Variants in PPP2R2D observed in about 807,000 individuals in gnomAD.
The protein encoded by PPP2R2D is serine/threonine-protein phosphatase 2A 55 kDa regulatory subunit B delta isoform.
Under a neutral mutation model 31.1 loss-of-function variants are expected in PPP2R2D, and 9 were observed. The observed-to-expected ratio is 0.29, with a 90% confidence interval of 0.17 to 0.51. PPP2R2D has a LOEUF of 0.51. PPP2R2D is among the 20% of genes least tolerant of loss of function. PPP2R2D has a pLI of 0.98. For synonymous variants in PPP2R2D, 179 were observed against 172.6 expected, an observed-to-expected ratio of 1.04 and a Z score of -0.29; for missense variants, 391 against 465.6, an observed-to-expected ratio of 0.84 and a Z score of 1.48.
At chr10:131,907,142 T>C (rs2035602909) in intron 2 of PPP2R2D, among the ~76,000 whole-genome samples, 1 of 152,108 alleles carries the variant, frequency 6.6e-6, no homozygotes, top group African/African-American at 2.4e-5. Context: ...TTGTCAGTCA[T>C]ATTTATTGAT....
intron 2 of PPP2R2D, among the ~76,000 whole-genome samples, chr10:131,914,974 G>A (rs1053202737): frequency 1.3e-5 from 2 of 152,122 alleles, no homozygotes; most frequent in Non-Finnish European, 2.9e-5. Context: ...TTCTCTCCGT[G>A]CACCCCTAAT....
chr10:131,929,711 G>A (rs1368986725), intron 2 of PPP2R2D, among the ~76,000 whole-genome samples: 1 of 151,994 alleles, frequency 6.6e-6, no homozygotes, highest in African/African-American at 2.4e-5. Context: ...CTCCCTCCCC[G>A]CCACCACCGG....
chr10:131,948,984 G>A (rs1354620223), intron 8 of PPP2R2D, among the ~76,000 whole-genome samples: 1 of 152,196 alleles, frequency 6.6e-6, no homozygotes, highest in East Asian at 1.9e-4. Flanking sequence ...TGCAGTTTGG[G>A]TTTGTGCCAG....
At chr10:131,927,941 G>T (rs1023624147) in intron 2 of PPP2R2D, among the ~76,000 whole-genome samples, 1 of 152,188 alleles carries the variant, frequency 6.6e-6, no homozygotes, top group Admixed American at 6.5e-5. Context: ...AGTTCTGGGG[G>T]CTGTGTGTCT....
At chr10:131,971,084 CAT>C in the PPP2R2D span, 1 of 945,524 alleles carries the variant, frequency 1.1e-6, no homozygotes, top group Admixed American at 2.1e-5. Context: ...CCCAGAGGCA[CAT>C]GTCAGTGCCT....
intron 7 of PPP2R2D, among the ~76,000 whole-genome samples, chr10:131,946,627 G>A (rs2036547040): frequency 6.6e-6 from 1 of 152,206 alleles, no homozygotes; most frequent in South Asian, 2.1e-4. Context: ...AATAATTTCA[G>A]ATTCCAGTTC....
rs1554898143 is a variant in PPP2R2D at position 131,947,531 on chromosome 10, T to C, written c.822T>C (p.Phe274=). The C allele has an allele frequency of 6.2e-7, 1 of 1,610,704 alleles. No homozygotes were observed. Among genetic ancestry groups the C allele is most frequent in the East Asian group, 2.2e-5 (1 of 44,834 alleles). Residue 274 remains phenylalanine (F), a splice_region_variant and synonymous_variant, in exon 8 of 9, where the codon TTT becomes TTC. Transcript: ENST00000455566. This position sits in a 1 kb window ranked among gnomAD's most constrained non-coding sequence, Gnocchi z 4.3. ...SSALCDRHSK[F]FEEPEDPSSR... is the part of the protein sequence containing the mutation. ...AAAACATTTTATTTTGTTTTTCAGT[T>C]TTTGAAGAGCCTGAAGATCCCAGCA...
chr10:131,943,892 C>T (rs956118070), intron 5 of PPP2R2D, 76 bp from the exon 6 acceptor site: 16 of 690,630 alleles, frequency 2.3e-5, no homozygotes, highest in African/African-American at 1.1e-4. Context: ...TGTCCTCTTT[C>T]GTTATCTACT....
At position 131,951,708 on chromosome 10, in the gene PPP2R2D, C is replaced by CG. The variant is rs1340162089; in HGVS notation, c.1082+3917_1082+3918insG. On this transcript the variant is annotated intron_variant, in intron 8 of 8. Coordinates refer to ENST00000455566, the MANE Select transcript of PPP2R2D (RefSeq NM_018461.5). ...TGGTGGTGCATGCCTTTAATCCCAC[C>CG]ACTCAGGAGGCTGAGGCAGGAGAAT... Among the ~76,000 whole-genome samples the CG allele has an allele frequency of 2.0e-5, 3 of 152,112 alleles. No homozygotes were observed. In the East Asian group the frequency reaches 5.8e-4, roughly 29 times the overall value.
chr10:131,918,679 T>A (rs1158442595), intron 2 of PPP2R2D, among the ~76,000 whole-genome samples: 2 of 148,280 alleles, frequency 1.3e-5, no homozygotes, highest in African/African-American at 5.0e-5. Flanking sequence ...GATGACACAG[T>A]GTAGGGACCT....
intron 2 of PPP2R2D, among the ~76,000 whole-genome samples, chr10:131,912,906 G>A (rs999664877): frequency 2.0e-5 from 3 of 152,122 alleles, no homozygotes; most frequent in Admixed American, 6.5e-5. Context: ...GTGGGTACAC[G>A]GTGTCAGAGG....
chr10:131,933,566 G>A (rs531677453), intron 2 of PPP2R2D, among the ~76,000 whole-genome samples: 2 of 152,114 alleles, frequency 1.3e-5, no homozygotes, highest in Non-Finnish European at 2.9e-5. Context: ...GGCCCCTCGG[G>A]AGGCCACGCC....
intron 2 of PPP2R2D, among the ~76,000 whole-genome samples, chr10:131,929,649 C>T (rs927467586): frequency 6.6e-6 from 1 of 152,100 alleles, no homozygotes; most frequent in African/African-American, 2.4e-5. Flanking sequence ...GTGCTCTGCC[C>T]GCCACACCTG....
downstream of PPP2R2D, among the ~76,000 whole-genome samples, chr10:131,960,813 G>A (rs1387562883): frequency 6.6e-6 from 1 of 152,200 alleles, no homozygotes; most frequent in Non-Finnish European, 1.5e-5. Flanking sequence ...CCAGGGAGTG[G>A]GGGAGTGAGG....
Position 131,940,664 on chromosome 10 carries a change from T to C in PPP2R2D, c.447T>C (p.Leu149=), listed in dbSNP as rs371749715. Residue 149 remains leucine, a synonymous_variant, in exon 5 of 9, where the codon CTT becomes CTC. Transcript: ENST00000455566. The stretch of plus-strand genomic sequence containing the variant: ...ACCTGAAAGACGAAGATGGAAGACT[T>C]CGAGACCCATTTAGGATCACGGCGC... The part of the protein sequence containing the change: ...GYNLKDEDGR[L]RDPFRITALR... 1.0e-5 allele frequency: 8 copies of C among 778,472 alleles called. No homozygotes were observed. The African/African-American group carries it at 1.4e-4, about 13-fold the overall frequency. 48.2% of individuals were successfully genotyped at this position (778,472 alleles called of 1,614,324 possible). A position where few individuals can be genotyped will look rare whatever the true frequency, so the allele number is the denominator to read the frequency against.
intron 4 of PPP2R2D, 75 bp downstream of exon 4, chr10:131,940,271 T>C (rs2036419159): frequency 1.7e-6 from 1 of 579,642 alleles, no homozygotes; most frequent in South Asian, 2.6e-5. Context: ...TAGATTCCTT[T>C]TTATTTTAGA....
rs782088116 is a variant in PPP2R2D at position 131,943,973 on chromosome 10, A to G, written c.483A>G (p.Pro161=). The stretch of plus-strand genomic sequence containing the variant: ...CTATTTCCTTCCATTTTTAGGTCCC[A>G]ATATTGAAGCCCATGGATCTTATGG... ...DPFRITALRV[P]ILKPMDLMVE... The change falls in exon 6 of 9, where the codon CCA becomes CCG. Residue 161 remains proline, a synonymous_variant. Transcript: ENST00000455566. 6.7e-6 allele frequency: 6 copies of G among 895,920 alleles called. No homozygotes were observed. The highest frequency in any genetic ancestry group is 2.1e-4 in the Middle Eastern group (1 of 4,684). The allele number at this position is 895,920 out of a possible 1,614,324, so 55.5% of individuals were successfully genotyped here.
At chr10:131,944,205 C>A (rs2036494506) in intron 6 of PPP2R2D, 60 bp downstream of exon 6, 2 of 1,413,158 alleles carry the variant, frequency 1.4e-6, no homozygotes, top group African/African-American at 1.4e-5. Context: ...ATAGTAATTT[C>A]TCTCGTCCCT....
At chr10:131,943,294 TG>T (rs1334817843) in intron 5 of PPP2R2D, among the ~76,000 whole-genome samples, 7 of 152,136 alleles carry the variant, frequency 4.6e-5, no homozygotes, top group Non-Finnish European at 8.8e-5. Flanking sequence ...AACACAGAGA[TG>T]GGGGCGGGAG....
Sources: gnomAD v4.1 joint callset for allele counts (sites outside exome capture counted in the v4.1 genomes callset) on GRCh38, gnomAD v4.1.1 for gene constraint, Gnocchi (gnomAD v3.1) non-coding constraint, MANE v1.5 for transcripts, NCBI Gene and HGNC (gene_info 2026-07-23, HGNC 2026-07-21) for gene names.